ZFHX3: variants seen among roughly 807,000 people sequenced by gnomAD.
ZFHX3 encodes the protein zinc finger homeobox 3, also known as zinc finger homeobox protein 3.
In ZFHX3, 42 loss-of-function variants were observed where a neutral mutation model predicts 279.1. The observed-to-expected ratio is 0.15, with a 90% CI of 0.12 to 0.19. The LOEUF is 0.19. Among genes scored for constraint, ZFHX3 ranks in the 10% least tolerant of loss-of-function variants. ZFHX3 has a pLI of 1.00. For synonymous variants in ZFHX3, 2,293 were observed against 1,957.8 expected (o/e 1.17, Z -4.52); for missense variants, 4,981 against 4,754.0 (o/e 1.05, Z -1.40).
In ZFHX3 at chr16:73,264,722, C is replaced by T. The variant is rs2013921021; in HGVS notation, c.-1193-7586G>A. Reference sequence around the variant, plus strand: ...GTGAACCCAGTTTCTAGTCCTTTATCTCTTACATCCTTCCCAAGCTTTCCC... The same window carrying T: ...GTGAACCCAGTTTCTAGTCCTTTATTTCTTACATCCTTCCCAAGCTTTCCC... On this transcript the variant is annotated intron_variant, in intron 4 of 17. Transcript: ENST00000641206. Among the ~76,000 whole-genome samples, 5 of 152,098 alleles carry T rather than the reference C, an allele frequency of 3.3e-5. No individual in the cohort carries two copies. The South Asian group carries it at 1.0e-3, about 32-fold the overall frequency.
At chr16:72,993,386 C>A (rs1963164925) in intron 1 of ZFHX3, among the ~76,000 whole-genome samples, 1 of 152,204 alleles carries the variant, frequency 6.6e-6, no homozygotes, top group Admixed American at 6.5e-5. Context: ...TGTCCACAGG[C>A]CCCCCTACCG....
At chr16:72,874,198 A>AT (rs565664402) in intron 4 of ZFHX3, among the ~76,000 whole-genome samples, 12,910 of 94,540 alleles carry the variant, frequency 0.14, 1,942 homozygotes, top group African/African-American at 0.16. Flanking sequence ...GGATTTTTTG[A>AT]TTTTTTTTTT....
chr16:73,780,141 TTTTTTTTTTTTTTTTTTTG>T (rs1959413744), intron 1 of ZFHX3, among the ~76,000 whole-genome samples: 1 of 104,178 alleles, frequency 9.6e-6, no homozygotes, highest in Non-Finnish European at 1.8e-5. Context: ...TTTTTTTTTT[TTTTTTTTTTTTTTTTTTTG>T]AGGCAGAGTC....
chr16:73,347,232 G>A (rs2016140528), intron 3 of ZFHX3, among the ~76,000 whole-genome samples: 1 of 152,182 alleles, frequency 6.6e-6, no homozygotes, highest in Non-Finnish European at 1.5e-5. Flanking sequence ...GACACAGCAG[G>A]GCCCACAATC....
chr16:73,353,966 T>A (rs1322502344), intron 3 of ZFHX3, among the ~76,000 whole-genome samples: 2 of 152,212 alleles, frequency 1.3e-5, no homozygotes, highest in Non-Finnish European at 2.9e-5. Context: ...ATATTCATAA[T>A]GAAGCAATCA....
chr16:73,811,316 C>G lies in ZFHX3; in HGVS notation c.-1608+80335G>C, dbSNP rs540228464. ...GGCAAAGCCCCACTAGTCCTTCTTT[C>G]TGGGTGATCTAAAACTCTAAAAGTG... On this transcript the variant is annotated intron_variant, in intron 1 of 17. Transcript: ENST00000641206. Among the ~76,000 whole-genome samples, 254 of 152,256 alleles carry G rather than the reference C, an allele frequency of 1.7e-3. 3 individuals carry two copies. The highest frequency in any genetic ancestry group is 5.7e-3 in the African/African-American group (237 of 41,562).
At chr16:73,334,487 G>A (rs1240293394) in intron 3 of ZFHX3, among the ~76,000 whole-genome samples, 1 of 152,146 alleles carries the variant, frequency 6.6e-6, no homozygotes, top group Non-Finnish European at 1.5e-5. Flanking sequence ...TTCAGCTCTT[G>A]GAGCTGAAGG....
At chr16:73,019,082 C>T (rs1296049779) in intron 1 of ZFHX3, among the ~76,000 whole-genome samples, 2 of 152,172 alleles carry the variant, frequency 1.3e-5, no homozygotes, top group African/African-American at 2.4e-5. Context: ...GCAAAACATC[C>T]GGCACCTTTT....
At chr16:73,526,613 G>C (rs574923656) in intron 2 of ZFHX3, among the ~76,000 whole-genome samples, 4 of 152,258 alleles carry the variant, frequency 2.6e-5, no homozygotes, top group African/African-American at 9.6e-5. Flanking sequence ...TAATTTATTG[G>C]TTAATTCTGA....
chr16:73,642,194 C>G (rs2052579717), intron 2 of ZFHX3, among the ~76,000 whole-genome samples: 2 of 152,294 alleles, frequency 1.3e-5, no homozygotes, highest in East Asian at 3.9e-4. Context: ...TTTTCTTTTA[C>G]TCAAGCACAT....
intron 2 of ZFHX3, among the ~76,000 whole-genome samples, chr16:73,650,063 C>A (rs564904406): frequency 2.6e-5 from 4 of 152,182 alleles, no homozygotes; most frequent in African/African-American, 9.6e-5. Context: ...CTTGTGAAGA[C>A]CATGGTTCCC....
intron 2 of ZFHX3, among the ~76,000 whole-genome samples, chr16:73,520,588 T>C (rs1040067570): frequency 6.6e-6 from 1 of 152,216 alleles, no homozygotes; most frequent in Non-Finnish European, 1.5e-5. Context: ...CCAAGCCCTG[T>C]CTGCTCTGGA....
At chr16:73,776,522 T>C (rs1212814134) in intron 1 of ZFHX3, among the ~76,000 whole-genome samples, 1 of 151,660 alleles carries the variant, frequency 6.6e-6, no homozygotes, top group African/African-American at 2.4e-5. Context: ...TAATAGAAAA[T>C]AATAATAGTA....
At chr16:72,803,695 C>G (rs144469757) in intron 7 of ZFHX3, among the ~76,000 whole-genome samples, 287 of 152,300 alleles carry the variant, frequency 1.9e-3, no homozygotes, top group African/African-American at 6.7e-3. Context: ...AATGTACCAT[C>G]CACATTGATT....
intron 2 of ZFHX3, among the ~76,000 whole-genome samples, chr16:73,552,823 C>G (rs79314551): frequency 3.3e-5 from 5 of 152,140 alleles, no homozygotes; most frequent in African/African-American, 1.2e-4. Flanking sequence ...TAGACTGATA[C>G]GTCTGCCTGT....
intron 1 of ZFHX3, among the ~76,000 whole-genome samples, chr16:72,980,658 C>T (rs986345423): frequency 6.6e-6 from 1 of 151,644 alleles, no homozygotes; most frequent in East Asian, 1.9e-4. Context: ...GTAGTCCCAG[C>T]TACTTGATTG....
intron 1 of ZFHX3, among the ~76,000 whole-genome samples, chr16:73,804,205 G>A (rs1408132798): frequency 6.6e-6 from 1 of 152,106 alleles, no homozygotes; most frequent in Non-Finnish European, 1.5e-5. Context: ...CAAGGGGTAG[G>A]AGGAACGAGG....
chr16:73,628,476 C>G (rs2052438745), intron 2 of ZFHX3, among the ~76,000 whole-genome samples: 1 of 152,164 alleles, frequency 6.6e-6, no homozygotes, highest in African/African-American at 2.4e-5. Flanking sequence ...AAGAGTCCAG[C>G]AGGAAGGTAA....
At chr16:73,063,488 C>T (rs1238123708), upstream of ZFHX3, among the ~76,000 whole-genome samples, 2 of 152,140 alleles carry the variant, frequency 1.3e-5, no homozygotes, top group Non-Finnish European at 2.9e-5. Context: ...CGTCCGGAAT[C>T]GCTCCATCCA....
Sources: allele counts gnomAD v4.1 joint callset (sites outside exome capture counted in the v4.1 genomes callset), GRCh38; gene constraint gnomAD v4.1.1; transcripts MANE v1.5; gene names NCBI Gene and HGNC (gene_info 2026-07-23, HGNC 2026-07-21).